The following FAM149B1 variants were observed in gnomAD, a reference collection of about 807,000 sequenced individuals.
The protein encoded by FAM149B1 is family with sequence similarity 149 member B1, also known as primary cilium assembly protein FAM149B1.
Under a neutral mutation model 75.3 loss-of-function variants are expected in FAM149B1, and 56 were observed. That is an observed-to-expected ratio of 0.74 (90% confidence interval 0.60 to 0.93). The LOEUF (loss-of-function observed/expected upper bound fraction) is 0.93. Among genes scored for constraint, FAM149B1 ranks in the 40% least tolerant of loss-of-function variants. The probability of loss-of-function intolerance (pLI) is 0.00; values close to 1 mark genes in which losing one functional copy is unlikely to be tolerated. For missense variants in FAM149B1, 639 were observed against 708.4 expected, an observed-to-expected ratio of 0.90 and a Z score of 1.11; for synonymous variants, 259 against 256.1, an observed-to-expected ratio of 1.01 and a Z score of -0.11.
rs1178386006 is a variant in FAM149B1 at position 73,224,471 on chromosome 10, C to CTT, written c.899-3570_899-3569dup. ...GAGAATAAACAAATGATTATTACAACTTTTTTTTTTTTTTTTTTTTGAGAC... is the reference window on the plus strand; with the variant it reads ...GAGAATAAACAAATGATTATTACAACTTTTTTTTTTTTTTTTTTTTTTGAGAC... On this transcript the variant is annotated intron_variant, in intron 7 of 13. Transcript: ENST00000242505. Among the ~76,000 whole-genome samples, 274 of 135,384 alleles carry CTT rather than the reference C, an allele frequency of 2.0e-3. 6 individuals are homozygous for CTT. Among genetic ancestry groups the CTT allele is most frequent in the African/African-American group, 4.9e-3 (177 of 35,874 alleles). 88.8% of individuals were successfully genotyped at this position (135,384 alleles called of 152,430 possible). A position where few individuals can be genotyped will look rare whatever the true frequency, so the allele number is the denominator to read the frequency against.
Position 73,232,958 on chromosome 10 carries a change from C to T in FAM149B1, c.1147C>T (p.Leu383Phe), listed in dbSNP as rs1325681385. ...TACTAGAGATCTTGATGACAAGCTA[C>T]TTATGAGGCCTGGGTCCAGTACCAT... ...DKLLDLDDKL[L>F]MRPGSSTILS... Residue 383 changes from leucine (L) to phenylalanine (F), a missense_variant, in exon 10 of 14, where the codon CTT becomes TTT. Physicochemically the swap from Leu to Phe is conservative, Grantham distance 22. Transcript: ENST00000242505. 18 of 1,550,482 alleles carry T rather than the reference C, an allele frequency of 1.2e-5. No individual in the cohort carries two copies. Among genetic ancestry groups the T allele is most frequent in the East Asian group, 2.4e-5 (1 of 40,916 alleles).
At chr10:73,181,180 G>GCT (rs2042388945) in intron 3 of FAM149B1, among the ~76,000 whole-genome samples, 1 of 151,446 alleles carries the variant, frequency 6.6e-6, no homozygotes, top group African/African-American at 2.4e-5. Flanking sequence ...CTAATTTTTT[G>GCT]TATTTTTTTT....
intron 5 of FAM149B1, among the ~76,000 whole-genome samples, chr10:73,207,525 C>G (rs2043094274): frequency 6.6e-6 from 1 of 151,850 alleles, no homozygotes. Context: ...GACCCCACCA[C>G]TACACTCCAG....
intron 7 of FAM149B1, among the ~76,000 whole-genome samples, chr10:73,220,913 T>C (rs1009240946): frequency 2.6e-5 from 4 of 152,238 alleles, no homozygotes; most frequent in African/African-American, 4.8e-5. Context: ...CCTAGCAGAC[T>C]AGTACACCAT....
intron 3 of FAM149B1, among the ~76,000 whole-genome samples, chr10:73,189,707 G>A (rs1026196273): frequency 6.6e-6 from 1 of 152,212 alleles, no homozygotes; most frequent in Non-Finnish European, 1.5e-5. Flanking sequence ...GTAACTTACA[G>A]TGATAAAAAT....
chr10:73,208,938 G>A (rs1417057335), intron 6 of FAM149B1, among the ~76,000 whole-genome samples, 152 bp downstream of exon 6: 1 of 151,902 alleles, frequency 6.6e-6, no homozygotes, highest in Non-Finnish European at 1.5e-5. Flanking sequence ...CAGAATTTAT[G>A]TTCTTATTGC....
intron 7 of FAM149B1, among the ~76,000 whole-genome samples, chr10:73,218,994 T>C (rs888201391): frequency 5.3e-5 from 8 of 152,170 alleles, no homozygotes; most frequent in African/African-American, 1.9e-4. Flanking sequence ...TTTTTGCCAC[T>C]AAATAACAAG....
Position 73,241,447 on chromosome 10 carries a change from C to T in FAM149B1, c.*428C>T, listed in dbSNP as rs1373306557. ...CTGTGTTCATTTCTGGAGAGTTGTA[C>T]TCAGTTTTAAGTCATTTTGCTGTTG... On this transcript the variant is annotated 3_prime_UTR_variant, in exon 14 of 14. Coordinates refer to ENST00000242505, the MANE Select transcript of FAM149B1 (RefSeq NM_173348.2). 5.4e-6 allele frequency: 1 copy of T among 184,906 alleles called. No individual in the cohort carries two copies. Among genetic ancestry groups the T allele is most frequent in the Non-Finnish European group, 1.1e-5 (1 of 87,642 alleles). 11.5% of individuals were successfully genotyped at this position (184,906 alleles called of 1,614,324 possible).
intron 2 of FAM149B1, among the ~76,000 whole-genome samples, chr10:73,176,754 C>A (rs866333137): frequency 2.6e-5 from 4 of 151,826 alleles, no homozygotes; most frequent in African/African-American, 7.3e-5. Context: ...AGGCTGGGCA[C>A]GGTGGCTCAT....
At chr10:73,234,122 AG>A (rs1467369377) in intron 10 of FAM149B1, 2 of 152,232 alleles carry the variant, frequency 1.3e-5, no homozygotes, top group African/African-American at 4.8e-5. Context: ...ATATCCTCAA[AG>A]GTATGAGATA....
At position 73,233,128 on chromosome 10, in the gene FAM149B1, A is replaced by G. The variant is rs1483355010; in HGVS notation, c.1317A>G (p.Pro439=). ...ISTSHSCAET[P]RSVEEILRGA... is the part of the protein sequence containing the mutation. ...CGAGCCATTCATGTGCTGAAACACC[A>G]AGATCTGTGGAAGAAATCCTCAGAG... Residue 439 remains proline, a synonymous_variant, in exon 10 of 14, where the codon CCA becomes CCG. Coordinates refer to ENST00000242505, the MANE Select transcript of FAM149B1 (RefSeq NM_173348.2). 1.3e-6 allele frequency: 2 copies of G among 1,551,748 alleles called. No individual in the cohort carries two copies. Among genetic ancestry groups the G allele is most frequent in the South Asian group, 2.4e-5 (2 of 84,060 alleles).
chr10:73,182,629 C>T (rs1452215447), intron 3 of FAM149B1, among the ~76,000 whole-genome samples: 1 of 152,120 alleles, frequency 6.6e-6, no homozygotes, highest in Non-Finnish European at 1.5e-5. Flanking sequence ...AAGTTCAGAC[C>T]ACATGAAAAG....
chr10:73,182,377 G>A (rs543236404), intron 3 of FAM149B1, among the ~76,000 whole-genome samples: 2 of 152,190 alleles, frequency 1.3e-5, no homozygotes, highest in South Asian at 4.1e-4. Flanking sequence ...ACCATGCCTG[G>A]CTAATTGTAT....
intron 2 of FAM149B1, among the ~76,000 whole-genome samples, chr10:73,176,484 T>G (rs1843969840): frequency 6.6e-6 from 1 of 152,148 alleles, no homozygotes; most frequent in African/African-American, 2.4e-5. Context: ...AAATGCTGAG[T>G]AAATATTAGC....
At chr10:73,228,276 G>A in intron 8 of FAM149B1, 92 bp downstream of exon 8, 1 of 1,041,334 alleles carries the variant, frequency 9.6e-7, no homozygotes, top group Non-Finnish European at 1.4e-6. Flanking sequence ...TATGATTTCT[G>A]ACTCAATATG....
chr10:73,218,153 T>C (rs1416725924), intron 7 of FAM149B1, among the ~76,000 whole-genome samples: 2 of 152,044 alleles, frequency 1.3e-5, no homozygotes, highest in Non-Finnish European at 2.9e-5. Context: ...GAGTGGGGAA[T>C]GGAAGGTTAA....
At chr10:73,231,479 A>G (rs901978728) in intron 9 of FAM149B1, among the ~76,000 whole-genome samples, 9 of 152,190 alleles carry the variant, frequency 5.9e-5, no homozygotes. Context: ...GAGCACATAT[A>G]TTTAAATCAG....
chr10:73,190,044 A>G (rs978143309), intron 3 of FAM149B1, among the ~76,000 whole-genome samples: 2 of 152,226 alleles, frequency 1.3e-5, no homozygotes, highest in Admixed American at 6.5e-5. Flanking sequence ...TCAATATACA[A>G]GGTAAGCTGG....
chr10:73,173,368 T>C (rs1843797927), intron 1 of FAM149B1, among the ~76,000 whole-genome samples: 1 of 152,210 alleles, frequency 6.6e-6, no homozygotes, highest in Admixed American at 6.5e-5. Context: ...TGTGTGTATA[T>C]AGTTCTTTCT....
Sources: gnomAD v4.1 joint callset for allele counts (sites outside exome capture counted in the v4.1 genomes callset) on GRCh38, gnomAD v4.1.1 for gene constraint, MANE v1.5 for transcripts, NCBI Gene and HGNC (gene_info 2026-07-23, HGNC 2026-07-21) for gene names.